IGF1R: variants seen among roughly 807,000 people sequenced by gnomAD.
IGF1R encodes insulin like growth factor 1 receptor, also known as insulin-like growth factor 1 receptor.
IGF1R carries 44 observed loss-of-function variants against 144.6 expected under a neutral mutation model. The ratio of observed to expected loss-of-function variants is 0.30; its 90% CI spans 0.24 to 0.39. The LOEUF (loss-of-function observed/expected upper bound fraction) is 0.39. Among genes scored for constraint, IGF1R ranks in the 10% least tolerant of loss-of-function variants. The probability of loss-of-function intolerance (pLI) is 1.00; values close to 1 mark genes in which losing one functional copy is unlikely to be tolerated. For synonymous variants in IGF1R, 795 were observed against 722.8 expected (o/e 1.10, Z -1.60); for missense variants, 1,355 against 1,833.7 (o/e 0.74, Z 4.77).
intron 2 of IGF1R, among the ~76,000 whole-genome samples, chr15:98,814,523 T>G (rs1567142098): frequency 6.6e-6 from 1 of 152,220 alleles, no homozygotes; most frequent in Non-Finnish European, 1.5e-5. Context: ...ATTTTTAAAT[T>G]TTTTGTAGAG....
intron 2 of IGF1R, among the ~76,000 whole-genome samples, chr15:98,753,081 A>G (rs187572888): frequency 6.6e-6 from 1 of 151,836 alleles, no homozygotes; most frequent in Non-Finnish European, 1.5e-5. Context: ...GACTACAGGC[A>G]CGTGCCACCA....
chr15:98,699,397 T>G (rs1318492202), intron 1 of IGF1R, among the ~76,000 whole-genome samples: 1 of 152,222 alleles, frequency 6.6e-6, no homozygotes, highest in Non-Finnish European at 1.5e-5. Context: ...TGTGGATAAT[T>G]AGAAAGGCTT....
intron 17 of IGF1R, among the ~76,000 whole-genome samples, chr15:98,937,423 G>A (rs1294517881): frequency 1.3e-5 from 2 of 152,162 alleles, no homozygotes; most frequent in East Asian, 3.9e-4. Context: ...AGGTTCCTGG[G>A]CCTCAGTGTC....
intron 1 of IGF1R, among the ~76,000 whole-genome samples, chr15:98,665,733 C>T (rs552607054): frequency 1.3e-5 from 2 of 152,342 alleles, no homozygotes; most frequent in South Asian, 2.1e-4. Context: ...CCAGCTGGAG[C>T]GGCCCATGGC....
chr15:98,962,479 GA>G lies in IGF1R; in HGVS notation c.*5038del, dbSNP rs1254874188. On this transcript the variant is annotated 3_prime_UTR_variant, in exon 21 of 21. Transcript: ENST00000650285. ...CTGGTGGTACAAATGAGAACTTCAA[GA>G]GAGGATGTTATTTAGACTGAACCTC... 4.3e-6 allele frequency: 1 copy of G among 233,638 alleles called. No homozygotes were observed. The highest frequency in any genetic ancestry group is 2.2e-5 in the African/African-American group (1 of 45,352). The allele number at this position is 233,638 out of a possible 1,614,324, so 14.5% of individuals were successfully genotyped here.
At chr15:98,650,024 G>A (rs937688386) in intron 1 of IGF1R, among the ~76,000 whole-genome samples, 1 of 151,852 alleles carries the variant, frequency 6.6e-6, no homozygotes, top group African/African-American at 2.4e-5. Context: ...CCCGCGACCC[G>A]CACCTCGCCC....
chr15:98,944,243 G>A (rs2016471125), intron 19 of IGF1R, among the ~76,000 whole-genome samples: 1 of 152,186 alleles, frequency 6.6e-6, no homozygotes, highest in South Asian at 2.1e-4. Context: ...GAAGGATAAA[G>A]TGTTGTTCAT....
chr15:98,916,589 T>C (rs2151682301), intron 9 of IGF1R, 83 bp from the exon 10 acceptor site: 1 of 1,163,766 alleles, frequency 8.6e-7, no homozygotes, highest in African/African-American at 1.5e-5. Flanking sequence ...TGATTAAAGG[T>C]ACTGAGAGCT....
chr15:98,935,197 T>TA lies in IGF1R; in HGVS notation c.3187-118dup. ...GATAGTTACCCCATTACCTCACTGC[T>TA]ACCTTCAGACCCCTGTGCTCAGACC... On this transcript the variant is annotated intron_variant, in intron 16 of 20. Coordinates refer to ENST00000650285, the MANE Select transcript of IGF1R (RefSeq NM_000875.5). This position sits in a 1 kb window ranked among gnomAD's most constrained non-coding sequence, Gnocchi z 4.2. 1 of 956,614 alleles carries TA rather than the reference T, an allele frequency of 1.0e-6. No individual in the cohort carries two copies. Among genetic ancestry groups the TA allele is most frequent in the South Asian group, 1.4e-5 (1 of 71,920 alleles). The allele number at this position is 956,614 out of a possible 1,614,324, so 59.3% of individuals were successfully genotyped here. A position where few individuals can be genotyped will look rare whatever the true frequency, so the allele number is the denominator to read the frequency against.
intron 2 of IGF1R, among the ~76,000 whole-genome samples, chr15:98,853,829 G>A (rs1312284020): frequency 2.0e-5 from 3 of 152,190 alleles, no homozygotes; most frequent in East Asian, 3.9e-4. Context: ...TGGAGGAGGA[G>A]GGGAAGGTGC....
At chr15:98,796,007 G>T (rs537839084) in intron 2 of IGF1R, among the ~76,000 whole-genome samples, 5 of 152,352 alleles carry the variant, frequency 3.3e-5, no homozygotes, top group South Asian at 2.1e-4. Flanking sequence ...TTCCTCTGGA[G>T]TGTGGTCCGT....
intron 2 of IGF1R, among the ~76,000 whole-genome samples, chr15:98,761,481 G>T (rs913937497): frequency 1.3e-5 from 2 of 152,182 alleles, no homozygotes; most frequent in Non-Finnish European, 2.9e-5. Flanking sequence ...ACAGGGCCAG[G>T]GATCAAACCT....
chr15:98,939,228 C>T lies in IGF1R; in HGVS notation c.3325C>T (p.Leu1109=), dbSNP rs936901591. 2 of 1,614,020 alleles carry T rather than the reference C, an allele frequency of 1.2e-6. No homozygotes were observed. Among genetic ancestry groups the T allele is most frequent in the Non-Finnish European group, 1.7e-6 (2 of 1,179,924 alleles). Residue 1109 remains leucine (L), a synonymous_variant, in exon 18 of 21, where the codon CTG becomes TTG. Coordinates refer to ENST00000650285, the MANE Select transcript of IGF1R (RefSeq NM_000875.5). ...TAATCCAGTCCTAGCACCTCCAAGC[C>T]TGAGCAAGATGATTCAGATGGCCGG... is the stretch of plus-strand genomic sequence containing the variant. ...ENNPVLAPPS[L]SKMIQMAGEI... is the part of the protein sequence containing the mutation.
In IGF1R at chr15:98,961,177, C is replaced by T; in HGVS notation, c.*3735C>T. The T allele has an allele frequency of 8.6e-6, 2 of 233,620 alleles. No homozygotes were observed. The highest frequency in any genetic ancestry group is 1.2e-4 in the East Asian group (2 of 16,576). The allele number at this position is 233,620 out of a possible 1,614,324, so 14.5% of individuals were successfully genotyped here. On this transcript the variant is annotated 3_prime_UTR_variant, in exon 21 of 21. Coordinates refer to ENST00000650285, the MANE Select transcript of IGF1R (RefSeq NM_000875.5). Reference sequence around the variant, plus strand: ...AATACTGTTGGATCAGGGTTTTGTTCTTCCACACTGTAGGTGACCCCTTGG... The same window carrying T: ...AATACTGTTGGATCAGGGTTTTGTTTTTCCACACTGTAGGTGACCCCTTGG...
chr15:98,763,635 G>C lies in IGF1R; in HGVS notation c.640+55528G>C, dbSNP rs1450808278. Among the ~76,000 whole-genome samples, 3 of 152,028 alleles carry C rather than the reference G, an allele frequency of 2.0e-5. No individual in the cohort carries two copies. In the South Asian group the frequency reaches 6.2e-4, roughly 32 times the overall value. On this transcript the variant is annotated intron_variant, in intron 2 of 20. Coordinates refer to ENST00000650285, the MANE Select transcript of IGF1R (RefSeq NM_000875.5). ...TGTGAAGTCCCTTTGGAAGCCTAAG[G>C]GTTTTGATCTCATCCAGGTTGTAAT...
intron 2 of IGF1R, among the ~76,000 whole-genome samples, chr15:98,832,101 T>C (rs1396701662): frequency 6.6e-6 from 1 of 152,220 alleles, no homozygotes; most frequent in Non-Finnish European, 1.5e-5. Flanking sequence ...TGGATCCTTT[T>C]CTTTAGACTC....
chr15:98,696,972 C>T (rs1004299460), intron 1 of IGF1R, among the ~76,000 whole-genome samples: 7 of 152,112 alleles, frequency 4.6e-5, no homozygotes, highest in Non-Finnish European at 7.4e-5. Context: ...GATTGTCCTC[C>T]GGATGCTTGG....
In IGF1R at chr15:98,649,427, C is replaced by T. The variant is rs2052283991; in HGVS notation, c.-155C>T. ...CACCCGGAGGGCCCCGGCGGCGCCG[C>T]CTTCGGAGTATTGTTTCCTTCGCCC... is the stretch of plus-strand genomic sequence containing the variant. On this transcript the variant is annotated 5_prime_UTR_variant, in exon 1 of 21. Coordinates refer to ENST00000650285, the MANE Select transcript of IGF1R (RefSeq NM_000875.5). 2.1e-6 allele frequency: 1 copy of T among 485,532 alleles called. No homozygotes were observed. Among genetic ancestry groups the T allele is most frequent in the Non-Finnish European group, 3.4e-6 (1 of 291,302 alleles). 30.1% of individuals were successfully genotyped at this position (485,532 alleles called of 1,614,324 possible). A position where few individuals can be genotyped will look rare whatever the true frequency, so the allele number is the denominator to read the frequency against.
chr15:98,665,599 G>A (rs2052716774), intron 1 of IGF1R, among the ~76,000 whole-genome samples: 1 of 152,178 alleles, frequency 6.6e-6, no homozygotes, highest in South Asian at 2.1e-4. Context: ...TTAGGGCACA[G>A]GATCTGAAAA....
Sources: gnomAD v4.1 joint callset for allele counts (sites outside exome capture counted in the v4.1 genomes callset) on GRCh38, gnomAD v4.1.1 for gene constraint, Gnocchi (gnomAD v3.1) non-coding constraint, MANE v1.5 for transcripts, NCBI Gene and HGNC (gene_info 2026-07-23, HGNC 2026-07-21) for gene names.